Variants in LARGE1 observed in about 807,000 individuals in gnomAD.
LARGE1 encodes the protein xylosyl- and glucuronyltransferase LARGE1.
In LARGE1, 43 loss-of-function variants were observed where a neutral mutation model predicts 87.6. That is an observed-to-expected ratio of 0.49 (90% CI 0.38 to 0.63). LARGE1 has a LOEUF of 0.63. Ranked by LOEUF, LARGE1 falls within the 30% of genes least tolerant of loss-of-function variation. The pLI is 0.00. For missense variants in LARGE1, 802 were observed against 1,000.2 expected (o/e 0.80, Z 2.67); for synonymous variants, 434 against 394.6 (o/e 1.10, Z -1.18).
chr22:33,664,254 C>A (rs145186582), intron 2 of LARGE1, among the ~76,000 whole-genome samples: 1 of 152,220 alleles, frequency 6.6e-6, no homozygotes, highest in African/African-American at 2.4e-5. Context: ...ATCCAAACCA[C>A]AGCCTTGGAT....
At chr22:33,227,885 T>TG (rs1449760450) in intron 11 of LARGE1, among the ~76,000 whole-genome samples, 4 of 152,232 alleles carry the variant, frequency 2.6e-5, no homozygotes, top group African/African-American at 9.6e-5. Context: ...CCTGTAGGTT[T>TG]TCTTGTTCAT....
At chr22:33,677,810 A>G (rs2267257) in intron 2 of LARGE1, among the ~76,000 whole-genome samples, 77,214 of 151,790 alleles carry the variant, frequency 0.51, 19,914 homozygotes, top group African/African-American at 0.6. Context: ...TTGAGACCCG[A>G]TTAGTCACAT....
At chr22:33,637,438 C>T (rs1477636885) in intron 3 of LARGE1, among the ~76,000 whole-genome samples, 1 of 152,136 alleles carries the variant, frequency 6.6e-6, no homozygotes, top group African/African-American at 2.4e-5. Context: ...GGTGTGGTAG[C>T]CAGCCTCCAA....
At chr22:33,185,621 T>C (rs73881978) in intron 11 of LARGE1, among the ~76,000 whole-genome samples, 4,593 of 152,228 alleles carry the variant, frequency 0.03, 96 homozygotes, top group Admixed American at 0.057. Context: ...TGGCATGAGA[T>C]CTTGAGAGGG....
chr22:33,313,243 G>A (rs1009293501), intron 11 of LARGE1, among the ~76,000 whole-genome samples: 2 of 151,962 alleles, frequency 1.3e-5, no homozygotes, highest in African/African-American at 4.8e-5. Context: ...CTATCTCGGG[G>A]AGCCCTCCTT....
At chr22:33,847,027 C>T (rs1479343290) in intron 1 of LARGE1, among the ~76,000 whole-genome samples, 1 of 152,194 alleles carries the variant, frequency 6.6e-6, no homozygotes, top group African/African-American at 2.4e-5. Flanking sequence ...ACTCCCTCCC[C>T]TTTTGAAACT....
chr22:33,422,686 T>A (rs75557880), intron 7 of LARGE1, among the ~76,000 whole-genome samples: 19 of 152,172 alleles, frequency 1.2e-4, no homozygotes, highest in African/African-American at 4.6e-4. Context: ...ATTTTTTGTA[T>A]CTTTAGTAGA....
At chr22:33,291,798 A>G (rs1024999569) in intron 12 of LARGE1, among the ~76,000 whole-genome samples, 15 of 152,118 alleles carry the variant, frequency 9.9e-5, no homozygotes, top group Non-Finnish European at 2.2e-4. Flanking sequence ...CAGTGTTCAA[A>G]GAACCATCTT....
the LARGE1 span, among the ~76,000 whole-genome samples, chr22:33,155,035 C>T: frequency 3.3e-5 from 5 of 152,180 alleles, no homozygotes; most frequent in Admixed American, 2.6e-4. Flanking sequence ...ATTGTGAGGC[C>T]TCCCCAGCCA....
At chr22:33,752,912 G>T (rs965460829) in intron 2 of LARGE1, among the ~76,000 whole-genome samples, 2 of 152,164 alleles carry the variant, frequency 1.3e-5, no homozygotes, top group African/African-American at 4.8e-5. Context: ...GGATTTTCTG[G>T]GTAGGCTCAA....
chr22:33,186,814 A>G (rs1042893448), intron 11 of LARGE1, among the ~76,000 whole-genome samples: 1 of 151,860 alleles, frequency 6.6e-6, no homozygotes, highest in Non-Finnish European at 1.5e-5. Flanking sequence ...ACATAAGTCA[A>G]TTGTGTCTCT....
At chr22:33,427,043 T>C (rs922147284) in intron 7 of LARGE1, among the ~76,000 whole-genome samples, 9 of 152,342 alleles carry the variant, frequency 5.9e-5, no homozygotes, top group Admixed American at 5.9e-4. Flanking sequence ...TTTGCTGTTG[T>C]TTGTTTTTAA....
intron 5 of LARGE1, among the ~76,000 whole-genome samples, chr22:33,574,336 C>T (rs889769010): frequency 6.6e-6 from 1 of 152,076 alleles, no homozygotes; most frequent in Non-Finnish European, 1.5e-5. Context: ...TTTAAATCAT[C>T]TCTAGATTAC....
chr22:33,840,606 C>T (rs566811170), intron 1 of LARGE1, among the ~76,000 whole-genome samples: 1 of 152,136 alleles, frequency 6.6e-6, no homozygotes, highest in South Asian at 2.1e-4. Context: ...TTCATCTTTA[C>T]AGCAACCCTA....
chr22:33,303,539 A>G (rs1006535174), intron 12 of LARGE1, among the ~76,000 whole-genome samples: 1 of 152,206 alleles, frequency 6.6e-6, no homozygotes, highest in African/African-American at 2.4e-5. Flanking sequence ...AGATTTGTTT[A>G]AAAGACTGGG....
chr22:33,188,363 C>T (rs934891458), intron 11 of LARGE1, among the ~76,000 whole-genome samples: 1 of 151,942 alleles, frequency 6.6e-6, no homozygotes, highest in African/African-American at 2.4e-5. Flanking sequence ...AATTCTATCC[C>T]AACAAATAAG....
intron 5 of LARGE1, among the ~76,000 whole-genome samples, chr22:33,592,830 G>A (rs769113788): frequency 7.1e-5 from 10 of 141,690 alleles, no homozygotes; most frequent in Non-Finnish European, 1.5e-5. Flanking sequence ...TTCTGTTTTT[G>A]TTTGTTTGTT....
chr22:33,319,828 C>T lies in LARGE1; in HGVS notation c.1288-3580G>A, dbSNP rs186694681. On this transcript the variant is annotated intron_variant, in intron 10 of 14. Coordinates refer to ENST00000397394, the MANE Select transcript of LARGE1 (RefSeq NM_133642.5). ...GTACCACATATTGAAGGACAATCAA[C>T]CTCCCGAGCTCCTGCCCACCAAATG... Among the ~76,000 whole-genome samples the T allele has an allele frequency of 1.5e-4, 23 of 152,298 alleles. No homozygotes were observed. In the East Asian group the frequency reaches 4.4e-3, roughly 29 times the overall value.
At chr22:33,879,312 C>T (rs2064591076) in intron 1 of LARGE1, among the ~76,000 whole-genome samples, 1 of 152,164 alleles carries the variant, frequency 6.6e-6, no homozygotes, top group Non-Finnish European at 1.5e-5. Context: ...TGCCTCAGGG[C>T]TGTAATGTTC....
Sources: gnomAD v4.1 joint callset for allele counts (sites outside exome capture counted in the v4.1 genomes callset) on GRCh38, gnomAD v4.1.1 for gene constraint, MANE v1.5 for transcripts, NCBI Gene and HGNC (gene_info 2026-07-23, HGNC 2026-07-21) for gene names.